The following ZMYND8 variants were observed in gnomAD, a reference collection of about 807,000 sequenced individuals.
ZMYND8 encodes the protein zinc finger MYND-type containing 8.
Under a neutral mutation model 140.8 loss-of-function variants are expected in ZMYND8, and 37 were observed. That is an observed-to-expected ratio of 0.26 (90% CI 0.20 to 0.35). ZMYND8 has a LOEUF of 0.35. ZMYND8 is among the 10% of genes least tolerant of loss of function. The probability of loss-of-function intolerance (pLI) is 1.00; values close to 1 mark genes in which losing one functional copy is unlikely to be tolerated. For missense variants in ZMYND8, 1,068 were observed against 1,570.0 expected (o/e 0.68, Z 5.40); for synonymous variants, 592 against 597.1 (o/e 0.99, Z 0.12).
rs371487317 is a variant in ZMYND8, at chr20:47,276,567, G to C, written c.1227C>G (p.Ala409=). Residue 409 remains alanine (A), a synonymous_variant, in exon 11 of 23, where the codon GCC becomes GCG. Coordinates refer to ENST00000471951, the MANE Select transcript of ZMYND8 (RefSeq NM_001281775.3). ...LDPTNPSAGT[A]KIDKQEKVKL... is the part of the protein sequence containing the mutation. ...TGACCTTCTCCTGCTTGTCTATCTT[G>C]GCAGTGCCGGCGCTGGGGTTGGTGG... The C allele has an allele frequency of 6.2e-7, 1 of 1,613,766 alleles. No individual in the cohort carries two copies. Among genetic ancestry groups the C allele is most frequent in the African/African-American group, 1.3e-5 (1 of 74,824 alleles).
chr20:47,281,438 C>T (rs2076598699), intron 10 of ZMYND8, among the ~76,000 whole-genome samples: 1 of 152,208 alleles, frequency 6.6e-6, no homozygotes, highest in Non-Finnish European at 1.5e-5. Flanking sequence ...TTAATCATAA[C>T]TTGATAAAAG....
At chr20:47,349,869 T>C (rs2082629994) in intron 1 of ZMYND8, 4 of 1,535,612 alleles carry the variant, frequency 2.6e-6, no homozygotes, top group East Asian at 2.4e-5. Context: ...ACTTGAAGGA[T>C]TTCTGCAGCG....
At chr20:47,311,077 C>A (rs2078894023) in intron 2 of ZMYND8, among the ~76,000 whole-genome samples, 1 of 152,198 alleles carries the variant, frequency 6.6e-6, no homozygotes, top group African/African-American at 2.4e-5. Context: ...TGAAGGCATA[C>A]ATTCTCCTTT....
At chr20:47,313,619 C>T (rs2079137270) in intron 2 of ZMYND8, among the ~76,000 whole-genome samples, 2 of 151,212 alleles carry the variant, frequency 1.3e-5, no homozygotes, top group South Asian at 4.2e-4. Flanking sequence ...GGTGAGACTC[C>T]ATCTCAAAAA....
At chr20:47,253,919 T>C (rs533318999) in intron 12 of ZMYND8, among the ~76,000 whole-genome samples, 2 of 152,334 alleles carry the variant, frequency 1.3e-5, no homozygotes, top group Middle Eastern at 3.4e-3. Context: ...TGCTGTTATG[T>C]TTATTCTTGT....
At chr20:47,230,978 C>T (rs1179104262) in intron 16 of ZMYND8, among the ~76,000 whole-genome samples, 1 of 152,156 alleles carries the variant, frequency 6.6e-6, no homozygotes, top group Non-Finnish European at 1.5e-5. Flanking sequence ...ATCCGTGCTG[C>T]AGCAGGCAGC....
At chr20:47,289,045 T>G (rs1196056779) in intron 7 of ZMYND8, among the ~76,000 whole-genome samples, 1 of 152,148 alleles carries the variant, frequency 6.6e-6, no homozygotes, top group Non-Finnish European at 1.5e-5. Flanking sequence ...GAGGTTTCAG[T>G]GAGCTGAGAT....
chr20:47,267,825 T>A (rs2075644077), intron 11 of ZMYND8, among the ~76,000 whole-genome samples: 1 of 152,188 alleles, frequency 6.6e-6, no homozygotes, highest in Admixed American at 6.5e-5. Flanking sequence ...ACCTCAAGCC[T>A]TTGTGCCTGA....
At chr20:47,314,966 T>C (rs900794439) in intron 2 of ZMYND8, among the ~76,000 whole-genome samples, 1 of 152,202 alleles carries the variant, frequency 6.6e-6, no homozygotes, top group African/African-American at 2.4e-5. Flanking sequence ...CATCACTGTA[T>C]ACAGGAGTGC....
chr20:47,213,134 TC>T (rs1486364821), intron 21 of ZMYND8, among the ~76,000 whole-genome samples: 4 of 151,890 alleles, frequency 2.6e-5, no homozygotes, highest in East Asian at 1.9e-4. Flanking sequence ...CAATAACTCA[TC>T]AACTGCCCAC....
Position 47,266,369 on chromosome 20 carries a change from T to A in ZMYND8, c.1481-3941A>T, listed in dbSNP as rs376473025. 1.5e-4 allele frequency among the ~76,000 whole-genome samples: 23 copies of A among 152,114 alleles called. No homozygotes were observed. The East Asian group carries it at 3.5e-3, about 23-fold the overall frequency. On this transcript the variant is annotated intron_variant, in intron 11 of 22. Coordinates refer to ENST00000471951, the MANE Select transcript of ZMYND8 (RefSeq NM_001281775.3). ...ATCTCAGCTCACAGCAACCTCCACCTCCCGGGTTCAAGCGGATTCTCCTGC... is the reference window on the plus strand; with the variant it reads ...ATCTCAGCTCACAGCAACCTCCACCACCCGGGTTCAAGCGGATTCTCCTGC...
chr20:47,285,996 G>C (rs1170521089), intron 8 of ZMYND8, among the ~76,000 whole-genome samples: 1 of 151,872 alleles, frequency 6.6e-6, no homozygotes, highest in Non-Finnish European at 1.5e-5. Context: ...TTTGAGACCA[G>C]CCTGGGCAAC....
intron 2 of ZMYND8, among the ~76,000 whole-genome samples, chr20:47,344,072 G>A (rs983934266): frequency 4.0e-5 from 6 of 150,782 alleles, no homozygotes; most frequent in African/African-American, 1.5e-4. Context: ...CTCCACCCCG[G>A]GTTCAAGTGA....
intron 11 of ZMYND8, among the ~76,000 whole-genome samples, chr20:47,269,028 GCTCT>G (rs1436982333): frequency 6.6e-6 from 1 of 151,712 alleles, no homozygotes; most frequent in Non-Finnish European, 1.5e-5. Context: ...TGGCAAAACC[GCTCT>G]CTACTAAAAA....
chr20:47,247,217 G>A (rs1229101980), intron 13 of ZMYND8, among the ~76,000 whole-genome samples: 1 of 152,132 alleles, frequency 6.6e-6, no homozygotes, highest in Admixed American at 6.6e-5. Context: ...ATCAAAGCAG[G>A]GGCTTCTGAT....
chr20:47,312,152 C>T (rs1256800000), intron 2 of ZMYND8, among the ~76,000 whole-genome samples: 2 of 152,180 alleles, frequency 1.3e-5, no homozygotes, highest in African/African-American at 2.4e-5. Flanking sequence ...CCAGTTTTAC[C>T]ACTCAGCATG....
At chr20:47,319,886 C>T (rs1429318500) in intron 2 of ZMYND8, 2 of 151,974 alleles carry the variant, frequency 1.3e-5, no homozygotes, top group Non-Finnish European at 2.9e-5. Context: ...GCCCAGGCCC[C>T]AAAGGCTCCC....
At position 47,276,715 on chromosome 20, in the gene ZMYND8, T is replaced by C. The variant is rs2076278185; in HGVS notation, c.1079A>G (p.Asn360Ser). 6.2e-7 allele frequency: 1 copy of C among 1,614,020 alleles called. No homozygotes were observed. ...AACCTCCATCTCTTGCATGGCACTG[T>C]TGAAGATGCTCTTAGTCTTTTTCAC... Reference protein sequence around the residue: ...FSVKKTKSIFNSAMQEMEVYV... With the variant: ...FSVKKTKSIFSSAMQEMEVYV... The change falls in exon 11 of 23, where the codon AAC becomes AGC. Residue 360 changes from asparagine to serine, a missense_variant. Coordinates refer to ENST00000471951, the MANE Select transcript of ZMYND8 (RefSeq NM_001281775.3).
At chr20:47,262,212 A>C in intron 12 of ZMYND8, 76 bp downstream of exon 12, 1 of 1,599,230 alleles carries the variant, frequency 6.3e-7, no homozygotes, top group Non-Finnish European at 8.6e-7. Context: ...CAAGAACCAC[A>C]TACACAAGAG....
Sources: allele counts gnomAD v4.1 joint callset (sites outside exome capture counted in the v4.1 genomes callset), GRCh38; gene constraint gnomAD v4.1.1; transcripts MANE v1.5; gene names NCBI Gene and HGNC (gene_info 2026-07-23, HGNC 2026-07-21).